Variants in AFAP1L2 observed in about 807,000 individuals in gnomAD.
AFAP1L2 encodes the protein actin filament associated protein 1 like 2.
In AFAP1L2, 46 loss-of-function variants were observed where a neutral mutation model predicts 99.3. The ratio of observed to expected loss-of-function variants is 0.46; its 90% CI spans 0.37 to 0.59. The LOEUF (loss-of-function observed/expected upper bound fraction) is 0.59. Ranked by LOEUF, AFAP1L2 falls within the 20% of genes least tolerant of loss-of-function variation. The pLI, the probability that AFAP1L2 is intolerant of heterozygous loss-of-function variation, is 0.00. For synonymous variants in AFAP1L2, 397 were observed against 419.1 expected, an observed-to-expected ratio of 0.95 and a Z score of 0.64; for missense variants, 959 against 1,034.9, an observed-to-expected ratio of 0.93 and a Z score of 1.01.
chr10:114,287,945 C>T, the AFAP1L2 span, among the ~76,000 whole-genome samples: 9 of 152,142 alleles, frequency 5.9e-5, no homozygotes, highest in Non-Finnish European at 8.8e-5. Context: ...TGTAGTCAGC[C>T]GCCTTCCCCG....
intron 1 of AFAP1L2, among the ~76,000 whole-genome samples, chr10:114,387,230 T>C (rs564258379): frequency 6.6e-6 from 1 of 152,300 alleles, no homozygotes; most frequent in East Asian, 1.9e-4. Flanking sequence ...TGATTTCCAG[T>C]TTTCAAAACA....
intron 7 of AFAP1L2, among the ~76,000 whole-genome samples, chr10:114,313,497 G>T (rs1047163728): frequency 7.2e-5 from 11 of 152,140 alleles, no homozygotes; most frequent in Admixed American, 2.0e-4. Flanking sequence ...ATGGGGACAT[G>T]AACATTCCCC....
chr10:114,401,347 G>C (rs1250778532), intron 1 of AFAP1L2, among the ~76,000 whole-genome samples: 1 of 152,212 alleles, frequency 6.6e-6, no homozygotes. Flanking sequence ...AGAGCAGTCA[G>C]AACCAGAATG....
At chr10:114,308,313 C>T (rs1274954941) in intron 9 of AFAP1L2, 120 bp downstream of exon 9, 7 of 812,110 alleles carry the variant, frequency 8.6e-6, no homozygotes, top group South Asian at 3.5e-5. Flanking sequence ...GCAGTATTTC[C>T]GAGTGGTTTA....
At chr10:114,356,059 T>C (rs753353485) in intron 1 of AFAP1L2, among the ~76,000 whole-genome samples, 4 of 152,162 alleles carry the variant, frequency 2.6e-5, no homozygotes, top group Non-Finnish European at 5.9e-5. Context: ...ATAAAATACA[T>C]TTCTTACCAT....
At chr10:114,341,711 C>T (rs1327886088) in intron 1 of AFAP1L2, among the ~76,000 whole-genome samples, 5 of 152,190 alleles carry the variant, frequency 3.3e-5, no homozygotes, top group African/African-American at 1.2e-4. Context: ...GCAGCCTCCC[C>T]CGTGGTCACT....
intron 7 of AFAP1L2, among the ~76,000 whole-genome samples, chr10:114,311,505 C>G (rs550475989): frequency 6.6e-6 from 1 of 152,232 alleles, no homozygotes; most frequent in South Asian, 2.1e-4. Context: ...AGCACAGGCA[C>G]TAGGGTTGGC....
intron 12 of AFAP1L2, chr10:114,301,972 C>A: frequency 3.7e-6 from 1 of 269,208 alleles, no homozygotes. Flanking sequence ...GAAACAGAAG[C>A]ACCACCCCCT....
At chr10:114,341,229 C>T (rs190970185) in intron 1 of AFAP1L2, among the ~76,000 whole-genome samples, 1 of 152,282 alleles carries the variant, frequency 6.6e-6, no homozygotes, top group Non-Finnish European at 1.5e-5. Flanking sequence ...AAAGTTCCTT[C>T]CAGTTCTGAA....
intron 1 of AFAP1L2, among the ~76,000 whole-genome samples, chr10:114,370,762 G>A (rs954323209): frequency 8.5e-5 from 13 of 152,154 alleles, no homozygotes; most frequent in South Asian, 4.1e-4. Flanking sequence ...GAAATTCTGC[G>A]GAGGGGACCT....
chr10:114,299,181 C>T (rs1301482759), intron 16 of AFAP1L2, 79 bp downstream of exon 16: 6 of 1,553,300 alleles, frequency 3.9e-6, no homozygotes, highest in Non-Finnish European at 4.4e-6. Flanking sequence ...GGTGTGGTGA[C>T]AGCCAGATCT....
chr10:114,311,166 A>G (rs1193804411), intron 7 of AFAP1L2, among the ~76,000 whole-genome samples: 2 of 152,116 alleles, frequency 1.3e-5, no homozygotes, highest in East Asian at 3.9e-4. Context: ...CCGGAAAAGG[A>G]TAGGTGGGTT....
chr10:114,391,459 A>T (rs1417503386), intron 1 of AFAP1L2, among the ~76,000 whole-genome samples: 1 of 152,156 alleles, frequency 6.6e-6, no homozygotes, highest in African/African-American at 2.4e-5. Flanking sequence ...ACCTCAGGTG[A>T]TCCACCTGCC....
In AFAP1L2 at chr10:114,296,042, C is replaced by G. The variant is rs199530473; in HGVS notation, c.2457G>C (p.Ter819TyrextTer6). 6.2e-7 allele frequency: 1 copy of G among 1,614,050 alleles called. No homozygotes were observed. Among genetic ancestry groups the G allele is most frequent in the African/African-American group, 1.3e-5 (1 of 74,926 alleles). Reference protein sequence around the residue: ...AKEWEKKGAS* With the variant: ...AKEWEKKGASY ...AGAGTCTTTAGATGAAGCTTGTTTTCTAACTTGCTCCTTTCTTCTCCCATT... is the reference window on the plus strand; with the variant it reads ...AGAGTCTTTAGATGAAGCTTGTTTTGTAACTTGCTCCTTTCTTCTCCCATT... Residue 819 changes from the stop codon to tyrosine, a stop_lost, in exon 19 of 19, where the codon TAG (stop) becomes TAC (tyrosine). Coordinates refer to ENST00000304129, the MANE Select transcript of AFAP1L2 (RefSeq NM_001001936.3).
chr10:114,360,498 TAGATAGATAGTTAGA>T (rs2052134120), intron 1 of AFAP1L2, among the ~76,000 whole-genome samples: 2 of 117,962 alleles, frequency 1.7e-5, no homozygotes, highest in Non-Finnish European at 3.5e-5. Context: ...GATAGATAGA[TAGATAGATAGTTAGA>T]TAGATAGATA....
At chr10:114,307,450 C>G (rs1291211224) in intron 10 of AFAP1L2, among the ~76,000 whole-genome samples, 1 of 151,934 alleles carries the variant, frequency 6.6e-6, no homozygotes, top group African/African-American at 2.4e-5. Context: ...GCTGTGAGCT[C>G]TCAGTACTGT....
At chr10:114,394,343 C>G (rs991957368) in intron 1 of AFAP1L2, among the ~76,000 whole-genome samples, 1 of 152,190 alleles carries the variant, frequency 6.6e-6, no homozygotes, top group Non-Finnish European at 1.5e-5. Flanking sequence ...AGTTTCCCCA[C>G]CCTGACTCTG....
At chr10:114,366,602 ATTC>A (rs1057435594) in intron 1 of AFAP1L2, among the ~76,000 whole-genome samples, 20 of 152,248 alleles carry the variant, frequency 1.3e-4, no homozygotes, top group African/African-American at 4.8e-4. Flanking sequence ...GGAAGCAGTT[ATTC>A]TTATCTGATA....
At chr10:114,331,525 C>T (rs2047230069) in intron 4 of AFAP1L2, among the ~76,000 whole-genome samples, 1 of 152,184 alleles carries the variant, frequency 6.6e-6, no homozygotes, top group African/African-American at 2.4e-5. Context: ...TGGCCCTGTT[C>T]ACATGGTGCT....
Sources: gnomAD v4.1 joint callset for allele counts (sites outside exome capture counted in the v4.1 genomes callset) on GRCh38, gnomAD v4.1.1 for gene constraint, MANE v1.5 for transcripts, NCBI Gene and HGNC (gene_info 2026-07-23, HGNC 2026-07-21) for gene names.